Variants in CSMD1 observed in about 807,000 individuals in gnomAD.
The protein encoded by CSMD1 is CUB and sushi domain-containing protein 1.
In CSMD1, 213 loss-of-function variants were observed where a neutral mutation model predicts 417.5. The ratio of observed to expected loss-of-function variants is 0.51; its 90% confidence interval spans 0.46 to 0.57. The LOEUF is 0.57. Ranked by LOEUF, CSMD1 falls within the 20% of genes least tolerant of loss-of-function variation. The probability of loss-of-function intolerance (pLI) is 0.00; values close to 1 mark genes in which losing one functional copy is unlikely to be tolerated. For synonymous variants in CSMD1, 2,862 were observed against 1,736.8 expected, an observed-to-expected ratio of 1.65 and a Z score of -16.11; for missense variants, 6,923 against 4,529.7, an observed-to-expected ratio of 1.53 and a Z score of -15.17.
intron 10 of CSMD1, among the ~76,000 whole-genome samples, chr8:3,518,494 C>T (rs1158166449): frequency 6.6e-5 from 10 of 152,086 alleles, no homozygotes; most frequent in South Asian, 4.2e-4. Flanking sequence ...TTGGTAGACT[C>T]AACAAAGAAT....
At chr8:3,721,869 G>C (rs1359933037) in intron 6 of CSMD1, among the ~76,000 whole-genome samples, 2 of 152,084 alleles carry the variant, frequency 1.3e-5, no homozygotes, top group Non-Finnish European at 2.9e-5. Context: ...GAAAATAGCA[G>C]AGAATGAAGT....
At chr8:4,819,429 A>G (rs554622905) in intron 1 of CSMD1, among the ~76,000 whole-genome samples, 1 of 151,108 alleles carries the variant, frequency 6.6e-6, no homozygotes, top group East Asian at 2.0e-4. Context: ...AGCAAATAAA[A>G]TTTCCCAACT....
intron 1 of CSMD1, among the ~76,000 whole-genome samples, chr8:4,985,176 C>G (rs2083165362): frequency 6.6e-6 from 1 of 152,052 alleles, no homozygotes; most frequent in Non-Finnish European, 1.5e-5. Context: ...CACATGGACA[C>G]ATAGAAGGGA....
chr8:4,433,586 G>A (rs571784157), intron 2 of CSMD1, among the ~76,000 whole-genome samples: 9 of 152,204 alleles, frequency 5.9e-5, no homozygotes, highest in African/African-American at 2.2e-4. Context: ...GATGAAAAGC[G>A]CCCTTAAAAT....
At chr8:4,628,439 C>CATATATATACACATATACACAT (rs34507100) in intron 2 of CSMD1, among the ~76,000 whole-genome samples, 5 of 146,210 alleles carry the variant, frequency 3.4e-5, no homozygotes. Context: ...CACATATACA[C>CATATATATACACATATACACAT]ATATATACAC....
chr8:4,935,791 G>T (rs1487096862), intron 1 of CSMD1, among the ~76,000 whole-genome samples: 2 of 152,210 alleles, frequency 1.3e-5, no homozygotes, highest in African/African-American at 4.8e-5. Context: ...AGGAATACAA[G>T]AATAGGAATT....
At chr8:3,516,755 C>A (rs1414140804) in intron 10 of CSMD1, among the ~76,000 whole-genome samples, 1 of 152,256 alleles carries the variant, frequency 6.6e-6, no homozygotes, top group Non-Finnish European at 1.5e-5. Flanking sequence ...GCAGTATACA[C>A]TGCACCTTAT....
chr8:4,630,817 G>C (rs1321743211), intron 2 of CSMD1, among the ~76,000 whole-genome samples: 2 of 152,144 alleles, frequency 1.3e-5, no homozygotes, highest in Admixed American at 6.5e-5. Flanking sequence ...TCACCTCTGT[G>C]TGACAAGCTC....
chr8:3,575,557 C>G (rs1563167423), intron 9 of CSMD1, among the ~76,000 whole-genome samples: 1 of 152,130 alleles, frequency 6.6e-6, no homozygotes. Context: ...TGTGTCTTTT[C>G]AACTTTAAAA....
chr8:4,697,576 A>G (rs1257534946), intron 1 of CSMD1, among the ~76,000 whole-genome samples: 1 of 152,162 alleles, frequency 6.6e-6, no homozygotes, highest in Non-Finnish European at 1.5e-5. Context: ...TGTAGTATTC[A>G]AGTGACTATT....
At chr8:3,141,201 G>C (rs1563080124) in intron 41 of CSMD1, among the ~76,000 whole-genome samples, 1 of 152,282 alleles carries the variant, frequency 6.6e-6, no homozygotes, top group South Asian at 2.1e-4. Flanking sequence ...TGGGAGTACA[G>C]GTGAAGCTTA....
intron 4 of CSMD1, among the ~76,000 whole-genome samples, chr8:4,010,036 C>G (rs1816424497): frequency 6.6e-6 from 1 of 152,178 alleles, no homozygotes; most frequent in African/African-American, 2.4e-5. Context: ...CTACTACTTC[C>G]TCGAAAACTG....
chr8:3,802,824 C>G (rs566021373), intron 5 of CSMD1, among the ~76,000 whole-genome samples: 51 of 152,282 alleles, frequency 3.3e-4, no homozygotes, highest in Non-Finnish European at 6.0e-4. Flanking sequence ...GTTTCTCCAT[C>G]AAGTGAAGGG....
Position 4,510,447 on chromosome 8 carries a change from G to A in CSMD1, c.303-90382C>T, listed in dbSNP as rs182726647. Among the ~76,000 whole-genome samples, 188 of 117,514 alleles carry A rather than the reference G, an allele frequency of 1.6e-3. 1 individual carries two copies. The highest frequency in any genetic ancestry group is 2.4e-3 in the Non-Finnish European group (141 of 59,962). 77.1% of individuals were successfully genotyped at this position (117,514 alleles called of 152,430 possible). A position where few individuals can be genotyped will look rare whatever the true frequency, so the allele number is the denominator to read the frequency against. On this transcript the variant is annotated intron_variant, in intron 2 of 69. Coordinates refer to ENST00000635120, the MANE Select transcript of CSMD1 (RefSeq NM_033225.6). ...AGCAAATACTTTGTTCCAAACATAC[G>A]CTTTATTAACTAAGGGACAAGGGAA...
At position 4,960,659 on chromosome 8, in the gene CSMD1, C is replaced by T. The variant is rs1000255888; in HGVS notation, c.85+33673G>A. Among the ~76,000 whole-genome samples the T allele has an allele frequency of 1.1e-4, 17 of 152,208 alleles. 1 individual carries two copies. The East Asian group carries it at 2.9e-3, about 26-fold the overall frequency. ...TCCATATATCCATACATATGTACAT[C>T]CATTCATACGTACATACATACATGC... On this transcript the variant is annotated intron_variant, in intron 1 of 69. Transcript: ENST00000635120.
intron 5 of CSMD1, among the ~76,000 whole-genome samples, chr8:3,941,990 C>T (rs942187889): frequency 6.6e-6 from 1 of 152,060 alleles, no homozygotes; most frequent in African/African-American, 2.4e-5. Flanking sequence ...TTACCACCTG[C>T]ACTCTCCTCC....
At chr8:4,274,678 G>C (rs557390634) in intron 3 of CSMD1, among the ~76,000 whole-genome samples, 1 of 152,020 alleles carries the variant, frequency 6.6e-6, no homozygotes, top group African/African-American at 2.4e-5. Flanking sequence ...AAAATTAAAT[G>C]TTTCTTAGAA....
chr8:4,103,421 CT>C (rs1357759735), intron 3 of CSMD1, among the ~76,000 whole-genome samples: 3 of 151,192 alleles, frequency 2.0e-5, no homozygotes, highest in Admixed American at 6.6e-5. Flanking sequence ...TAAACCTTGG[CT>C]TTTTTGTCTG....
intron 7 of CSMD1, among the ~76,000 whole-genome samples, chr8:3,706,563 T>C (rs1259945805): frequency 2.0e-5 from 3 of 152,194 alleles, no homozygotes; most frequent in Non-Finnish European, 2.9e-5. Flanking sequence ...ATATGTCAAT[T>C]TGTGTTCAGA....
Sources: gnomAD v4.1 joint callset for allele counts (sites outside exome capture counted in the v4.1 genomes callset) on GRCh38, gnomAD v4.1.1 for gene constraint, MANE v1.5 for transcripts, NCBI Gene and HGNC (gene_info 2026-07-23, HGNC 2026-07-21) for gene names.